Variants in PYROXD1 observed in about 807,000 individuals in gnomAD.
PYROXD1 encodes pyridine nucleotide-disulphide oxidoreductase domain 1.
A neutral mutation model predicts 62.0 loss-of-function variants in PYROXD1; 42 were observed. The observed-to-expected ratio is 0.68, with a 90% CI of 0.53 to 0.88. The LOEUF is 0.88. Among genes scored for constraint, PYROXD1 ranks in the 40% least tolerant of loss-of-function variants. The pLI is 0.00. For synonymous variants in PYROXD1, 170 were observed against 206.4 expected (o/e 0.82, Z 1.51); for missense variants, 493 against 604.8 (o/e 0.82, Z 1.94).
In PYROXD1 at chr12:21,452,059, CATT is replaced by C; in HGVS notation, c.415-18_415-16del. On this transcript the variant is annotated intron_variant, in intron 4 of 11. Coordinates refer to ENST00000240651, the MANE Select transcript of PYROXD1 (RefSeq NM_024854.5). Reference sequence around the variant, plus strand: ...TGCCCACTATTACAAAATACTACCTCATTATTTTCTTTTTAACATAGGAATTTC... The same window carrying C: ...TGCCCACTATTACAAAATACTACCTCATTTTCTTTTTAACATAGGAATTTC... The C allele has an allele frequency of 7.1e-7, 1 of 1,403,046 alleles. No individual in the cohort carries two copies. Among genetic ancestry groups the C allele is most frequent in the Non-Finnish European group, 1.0e-6 (1 of 1,004,030 alleles). The allele number at this position is 1,403,046 out of a possible 1,614,324, so 86.9% of individuals were successfully genotyped here.
intron 6 of PYROXD1, 34 bp from the exon 7 acceptor site, chr12:21,455,961 G>A (rs769681734): frequency 7.3e-7 from 1 of 1,371,044 alleles, no homozygotes; most frequent in East Asian, 2.4e-5. Context: ...TCTCTATCTG[G>A]TAATTTTTAT....
intron 2 of PYROXD1, 62 bp from the exon 3 acceptor site, chr12:21,445,285 T>C: frequency 7.0e-7 from 1 of 1,429,570 alleles, no homozygotes; most frequent in Non-Finnish European, 9.2e-7. Flanking sequence ...TTTTTATTAT[T>C]TAAGATTCTT....
chr12:21,466,451 T>C (rs1942795109), intron 10 of PYROXD1, among the ~76,000 whole-genome samples: 1 of 152,110 alleles, frequency 6.6e-6, no homozygotes, highest in Non-Finnish European at 1.5e-5. Context: ...AATTCACTCA[T>C]GATTTGGCTC....
At chr12:21,449,451 C>A in intron 3 of PYROXD1, 112 bp from the exon 4 acceptor site, 1 of 983,548 alleles carries the variant, frequency 1.0e-6, no homozygotes, top group Non-Finnish European at 1.5e-6. Flanking sequence ...CAAGAGGCAA[C>A]CTTAATATAT....
chr12:21,446,247 C>G (rs568555885), intron 3 of PYROXD1, among the ~76,000 whole-genome samples: 1 of 152,070 alleles, frequency 6.6e-6, no homozygotes, highest in South Asian at 2.1e-4. Flanking sequence ...CATGGTGAAA[C>G]CCTGTCTCTA....
rs181165868 is a variant in PYROXD1, at chr12:21,462,722, A to C, written c.994-18A>C. 335 of 1,612,706 alleles carry C rather than the reference A, an allele frequency of 2.1e-4. No homozygotes were observed. In the African/African-American group the frequency reaches 3.8e-3, roughly 18 times the overall value. ...TCATTTTTCTTAACACTTAACGCTTATGAGGAATGTTGTTTAGTTTGATCT... is the reference window on the plus strand; with the variant it reads ...TCATTTTTCTTAACACTTAACGCTTCTGAGGAATGTTGTTTAGTTTGATCT... On this transcript the variant is annotated intron_variant, in intron 9 of 11. Coordinates refer to ENST00000240651, the MANE Select transcript of PYROXD1 (RefSeq NM_024854.5).
chr12:21,457,914 A>G (rs1051575208), intron 7 of PYROXD1, among the ~76,000 whole-genome samples: 1 of 148,730 alleles, frequency 6.7e-6, no homozygotes, highest in Admixed American at 6.7e-5. Context: ...GCTGTCATCC[A>G]GGCTTTGTTG....
In PYROXD1 at chr12:21,462,821, A is replaced by T; in HGVS notation, c.1075A>T (p.Ile359Phe). ...SLPDIYAAGD[I>F]CTTSWQLSPV... ...TCCTGATATCTATGCTGCCGGTGACATCTGTACTACATCCTGGCAGCTGAG... is the reference window on the plus strand; with the variant it reads ...TCCTGATATCTATGCTGCCGGTGACTTCTGTACTACATCCTGGCAGCTGAG... The change falls in exon 10 of 12, where the codon ATC becomes TTC. Residue 359 changes from isoleucine (I) to phenylalanine (F), a missense_variant. By Grantham distance (21) the Ile-to-Phe change is conservative (BLOSUM62 0). Transcript: ENST00000240651. 1.2e-6 allele frequency: 2 copies of T among 1,614,026 alleles called. No homozygotes were observed. Among genetic ancestry groups the T allele is most frequent in the Non-Finnish European group, 1.7e-6 (2 of 1,179,972 alleles).
intron 11 of PYROXD1, among the ~76,000 whole-genome samples, chr12:21,467,829 TTTTAG>T (rs1942830719): frequency 1.3e-5 from 2 of 152,136 alleles, no homozygotes; most frequent in Admixed American, 6.6e-5. Context: ...CACTATTCTA[TTTTAG>T]TTAAGAGGGA....
intron 1 of PYROXD1, among the ~76,000 whole-genome samples, chr12:21,440,004 TAGA>T (rs1942263758): frequency 6.6e-6 from 1 of 152,198 alleles, no homozygotes. Context: ...TTAAGATAAA[TAGA>T]AGTTGGTTTA....
In PYROXD1 at chr12:21,445,456, G is replaced by C; in HGVS notation, c.275G>C (p.Ser92Thr). ...VIESGVKQLK[S>T]EEHCIVTEDG... ...GAATCTGGCGTAAAGCAACTGAAGA[G>C]TGAAGAACACGTAAGATAATTGTTT... The change falls in exon 3 of 12, where the codon AGT becomes ACT. Residue 92 changes from serine (S) to threonine (T), a missense_variant. Transcript: ENST00000240651. The C allele has an allele frequency of 6.3e-7, 1 of 1,592,118 alleles. No homozygotes were observed. Among genetic ancestry groups the C allele is most frequent in the Non-Finnish European group, 8.5e-7 (1 of 1,174,158 alleles).
chr12:21,467,559 A>G lies in PYROXD1; in HGVS notation c.1195A>G (p.Ile399Val), dbSNP rs768176125. Residue 399 changes from isoleucine (I) to valine (V), a missense_variant, in exon 11 of 12, where the codon ATT becomes GTT. This residue lies in a region of PYROXD1 where 329 missense variants were observed against 446.6 expected (regional missense o/e 0.74). Transcript: ENST00000240651. ...CMAAASSGDS[I>V]DMDFSFELFA... is the part of the protein sequence containing the mutation. ...GGCTGCAGCGAGTTCAGGAGACTCT[A>G]TTGACATGGATTTCAGCTTTGAACT... 9.3e-6 allele frequency: 15 copies of G among 1,612,308 alleles called. No homozygotes were observed. The Admixed American group carries it at 1.0e-4, about 11-fold the overall frequency.
rs139285535 is a variant in PYROXD1 at position 21,463,599 on chromosome 12, C to T, written c.1116+737C>T. On this transcript the variant is annotated intron_variant, in intron 10 of 11. Transcript: ENST00000240651. ...CCCAGCTATTCAGGAGGCTGAGGCA[C>T]AAGAATCCCTTGAACCTGGGAGGCG... Among the ~76,000 whole-genome samples, 388 of 149,144 alleles carry T rather than the reference C, an allele frequency of 2.6e-3. 1 individual carries two copies. The highest frequency in any genetic ancestry group is 8.8e-3 in the African/African-American group (355 of 40,440).
chr12:21,464,137 G>GT (rs34682004), intron 10 of PYROXD1, among the ~76,000 whole-genome samples: 20,260 of 146,740 alleles, frequency 0.14, 1,466 homozygotes, highest in East Asian at 0.28. Flanking sequence ...GAGTTTATGG[G>GT]TTTTTTTTTT....
Position 21,449,592 on chromosome 12 carries a change from C to A in PYROXD1, c.315C>A (p.His105Gln), listed in dbSNP as rs149739786. ...TTGTAACAGAAGATGGCAATCAGCA[C>A]GTATATAAGAAACTCTGTCTGTGTG... is the stretch of plus-strand genomic sequence containing the variant. Reference protein sequence around the residue: ...HCIVTEDGNQHVYKKLCLCAG... With the variant: ...HCIVTEDGNQQVYKKLCLCAG... The change falls in exon 4 of 12, where the codon CAC (histidine) becomes CAA (glutamine). Residue 105 changes from histidine to glutamine, a missense_variant. By Grantham distance (24) the His-to-Gln change is conservative. Around this residue, in one of 2 missense-constraint regions of PYROXD1, gnomAD observed 164 missense variants for 158.2 expected, o/e 1.04. Coordinates refer to ENST00000240651, the MANE Select transcript of PYROXD1 (RefSeq NM_024854.5). 11 of 1,612,608 alleles carry A rather than the reference C, an allele frequency of 6.8e-6. No homozygotes were observed. In the South Asian group the frequency reaches 1.1e-4, roughly 16 times the overall value.
At chr12:21,455,947 T>C in intron 6 of PYROXD1, 48 bp from the exon 7 acceptor site, 2 of 1,248,152 alleles carry the variant, frequency 1.6e-6, no homozygotes, top group Non-Finnish European at 2.3e-6. Context: ...AACACTAACA[T>C]ATTTCTCTAT....
rs1942893663 is a variant in PYROXD1, at chr12:21,469,984, C to T, written c.*1230C>T. 3.4e-6 allele frequency: 2 copies of T among 595,806 alleles called. No homozygotes were observed. The highest frequency in any genetic ancestry group is 5.1e-6 in the Non-Finnish European group (2 of 395,042). The allele number at this position is 595,806 out of a possible 1,614,324, so 36.9% of individuals were successfully genotyped here. ...AAGGGTTTTACATAAAAATTTTTCC[C>T]TTGTTTTATACTGGAAAATTATATA... is the stretch of plus-strand genomic sequence containing the variant. On this transcript the variant is annotated 3_prime_UTR_variant, in exon 12 of 12. Transcript: ENST00000240651.
intron 5 of PYROXD1, among the ~76,000 whole-genome samples, chr12:21,454,209 A>G (rs960302563): frequency 1.3e-5 from 2 of 152,040 alleles, no homozygotes; most frequent in African/African-American, 4.8e-5. Context: ...AGTCTGTGAA[A>G]TAAAGATGAC....
chr12:21,449,114 A>C (rs1942444877), intron 3 of PYROXD1, among the ~76,000 whole-genome samples: 2 of 152,188 alleles, frequency 1.3e-5, no homozygotes, highest in Admixed American at 1.3e-4. Flanking sequence ...GGTTAGAATT[A>C]CTAGGTCTTC....
Sources: allele counts gnomAD v4.1 joint callset (sites outside exome capture counted in the v4.1 genomes callset), GRCh38; gene constraint gnomAD v4.1.1; regional missense constraint gnomAD v4.1.1; transcripts MANE v1.5; gene names NCBI Gene and HGNC (gene_info 2026-07-23, HGNC 2026-07-21).